Variants in HMCN2 observed in about 807,000 individuals in gnomAD.
HMCN2 encodes the protein hemicentin-2.
A neutral mutation model predicts 377.5 loss-of-function variants in HMCN2; 325 were observed. That is an observed-to-expected ratio of 0.86 (90% CI 0.79 to 0.94). The LOEUF is 0.94. Ranked by LOEUF, HMCN2 falls within the 40% of genes least tolerant of loss-of-function variation. The pLI, the probability that HMCN2 is intolerant of heterozygous loss-of-function variation, is 0.00. For missense variants in HMCN2, 4,543 were observed against 4,725.3 expected (o/e 0.96, Z 1.13); for synonymous variants, 2,007 against 2,046.8 (o/e 0.98, Z 0.53).
chr9:130,268,102 C>G (rs185885336), intron 1 of HMCN2, among the ~76,000 whole-genome samples: 466 of 152,312 alleles, frequency 3.1e-3, no homozygotes, highest in Middle Eastern at 0.014. Context: ...ATATGTGGCT[C>G]CAGTGGCCCA....
chr9:130,296,703 G>T lies in HMCN2; in HGVS notation c.921G>T (p.Arg307Ser). ...KVYSSGRHSV[R>S]ITGVSNIDFR... ...ATAGCAGTGGCCGCCATTCAGTGAG[G>T]ATCACAGGCGTCAGCAACATTGACT... Residue 307 changes from arginine to serine, a missense_variant, in exon 7 of 98, where the codon AGG (arginine) becomes AGT (serine). Around this residue, in one of 5 missense-constraint regions of HMCN2, gnomAD observed 547 missense variants for 189.9 expected, o/e 2.88. Transcript: ENST00000683500. 2.1e-6 allele frequency: 1 copy of T among 471,122 alleles called. No individual in the cohort carries two copies. The highest frequency in any genetic ancestry group is 1.5e-5 in the South Asian group (1 of 64,562). The allele number at this position is 471,122 out of a possible 1,614,324, so 29.2% of individuals were successfully genotyped here.
chr9:130,427,599 G>A lies in HMCN2; in HGVS notation c.14045G>A (p.Trp4682Ter). 6.5e-7 allele frequency: 1 copy of A among 1,550,366 alleles called. No homozygotes were observed. The highest frequency in any genetic ancestry group is 8.7e-7 in the Non-Finnish European group (1 of 1,146,954). The change falls in exon 92 of 98, where the codon TGG (tryptophan) becomes TAG (stop). Residue 4682 changes from tryptophan (W) to a stop codon, truncating the protein, a stop_gained. Transcript: ENST00000683500. LOFTEE classifies it high-confidence loss of function. Reference sequence around the variant, plus strand: ...TGCCCCACTGGCTTCGCCCTGGCCTGGGATGACAGGAACTGCAGAGGTGAG... The same window carrying A: ...TGCCCCACTGGCTTCGCCCTGGCCTAGGATGACAGGAACTGCAGAGGTGAG... ...CTCPTGFALA[W>*]DDRNCRDVDE...
chr9:130,280,647 A>G lies in HMCN2; in HGVS notation c.260-3956A>G, dbSNP rs181347853. 3.0e-3 allele frequency among the ~76,000 whole-genome samples: 456 copies of G among 152,312 alleles called. 2 individuals carry two copies. Among genetic ancestry groups the G allele is most frequent in the Non-Finnish European group, 4.0e-3 (271 of 68,014 alleles). Reference sequence around the variant, plus strand: ...AAAATTTGCTCACACTTACTTGTTCAGTGAAAAGAATCAGGTTAGAAATAG... The same window carrying G: ...AAAATTTGCTCACACTTACTTGTTCGGTGAAAAGAATCAGGTTAGAAATAG... On this transcript the variant is annotated intron_variant, in intron 1 of 97. Coordinates refer to ENST00000683500, the MANE Select transcript of HMCN2 (RefSeq NM_001291815.2).
chr9:130,386,485 G>T lies in HMCN2; in HGVS notation c.9352G>T (p.Ala3118Ser), dbSNP rs1286631968. The T allele has an allele frequency of 1.5e-6, 2 of 1,303,730 alleles. No individual in the cohort carries two copies. Among genetic ancestry groups the T allele is most frequent in the South Asian group, 1.2e-5 (1 of 81,010 alleles). 80.8% of individuals were successfully genotyped at this position (1,303,730 alleles called of 1,614,324 possible). ...ATACAGCTGTAAAGTCAGCAACGTGGCTGGGGAGGCCGTGCGGACCTTCAC... is the reference window on the plus strand; with the variant it reads ...ATACAGCTGTAAAGTCAGCAACGTGTCTGGGGAGGCCGTGCGGACCTTCAC... ...GLYSCKVSNV[A>S]GEAVRTFTLT... Residue 3118 changes from alanine to serine, a missense_variant, in exon 61 of 98, where the codon GCT becomes TCT. Physicochemically the swap from Ala to Ser is moderately conservative, Grantham distance 99. This residue lies in a region of HMCN2 where 736 missense variants were observed against 773.2 expected (regional missense o/e 0.95). Transcript: ENST00000683500.
Position 130,425,852 on chromosome 9 carries a change from T to C in HMCN2, c.13807T>C (p.Ser4603Pro). Residue 4603 changes from serine to proline, a missense_variant, in exon 90 of 98, where the codon TCA becomes CCA. By Grantham distance (74) the Ser-to-Pro change is moderately conservative. This residue lies in a region of HMCN2 where 1,155 missense variants were observed against 1,157.7 expected (regional missense o/e 1.00). Transcript: ENST00000683500. The stretch of plus-strand genomic sequence containing the variant: ...CCAGCTGGTGCAGCACCTGCGGGCC[T>C]CAGCTATCAGCTCGGCCTTTGATCC... ...QPQLVQHLRA[S>P]AISSAFDPEA... 1 of 1,550,440 alleles carries C rather than the reference T, an allele frequency of 6.4e-7. No homozygotes were observed. The highest frequency in any genetic ancestry group is 8.7e-7 in the Non-Finnish European group (1 of 1,146,962).
chr9:130,427,652 C>T lies in HMCN2; in HGVS notation c.14065+33C>T, dbSNP rs575500856. The stretch of plus-strand genomic sequence containing the variant: ...AGCTGCCGGGAGGAGGGAGGAGACG[C>T]GCTCCTCAGACCTGACCCAGGTGTG... On this transcript the variant is annotated intron_variant, in intron 92 of 97. Transcript: ENST00000683500. 8.2e-4 allele frequency: 1,261 copies of T among 1,539,662 alleles called. 1 individual carries two copies. Among genetic ancestry groups the T allele is most frequent in the East Asian group, 1.4e-3 (58 of 40,890 alleles).
intron 1 of HMCN2, among the ~76,000 whole-genome samples, chr9:130,278,835 C>A (rs1554924523): frequency 6.6e-6 from 1 of 151,522 alleles, no homozygotes; most frequent in Non-Finnish European, 1.5e-5. Context: ...CCCGCCTCGG[C>A]TTCCCAAAGT....
chr9:130,354,121 T>C (rs1839892357), intron 31 of HMCN2, among the ~76,000 whole-genome samples: 1 of 152,158 alleles, frequency 6.6e-6, no homozygotes, highest in South Asian at 2.1e-4. Context: ...TTTCAAAGCG[T>C]CTTACACCCA....
At chr9:130,409,018 GCC>G in intron 84 of HMCN2, 85 bp downstream of exon 84, 1 of 928,838 alleles carries the variant, frequency 1.1e-6, no homozygotes, top group Non-Finnish European at 1.5e-6. Flanking sequence ...TCTTCCTATT[GCC>G]CCCTCTGCTT....
At position 130,304,730 on chromosome 9, in the gene HMCN2, A is replaced by AC; in HGVS notation, c.1550dup (p.Pro518AlafsTer52). 6.5e-6 allele frequency: 3 copies of AC among 459,592 alleles called. No homozygotes were observed. The highest frequency in any genetic ancestry group is 9.1e-6 in the Non-Finnish European group (2 of 219,906). The allele number at this position is 459,592 out of a possible 1,614,324, so 28.5% of individuals were successfully genotyped here. ...TCCTCCTGTGCTCATGTCCCTGCAG[A>AC]CCCCCCGCCGCAGCTGGTCCCTGCT... On this transcript the variant is annotated frameshift_variant and splice_region_variant, in exon 11 of 98. Transcript: ENST00000683500. LOFTEE classifies it high-confidence loss of function. This position sits in a 1 kb window ranked among gnomAD's most constrained non-coding sequence, Gnocchi z 4.3.
chr9:130,311,820 CGGA>C (rs1485344721), intron 15 of HMCN2, among the ~76,000 whole-genome samples: 1 of 152,012 alleles, frequency 6.6e-6, no homozygotes. Flanking sequence ...TGGGGAGCTG[CGGA>C]GGAGTTTGGG....
chr9:130,421,237 C>T (rs1329520913), intron 86 of HMCN2, among the ~76,000 whole-genome samples: 1 of 152,152 alleles, frequency 6.6e-6, no homozygotes, highest in African/African-American at 2.4e-5. Context: ...TTTTTATCTT[C>T]GTTCGTGTTG....
intron 42 of HMCN2, 26 bp downstream of exon 42, chr9:130,365,753 G>A (rs952785760): frequency 2.0e-6 from 2 of 982,632 alleles, no homozygotes; most frequent in African/African-American, 3.5e-5. Flanking sequence ...GCTGGGCAGG[G>A]GGAGGGGGCT....
chr9:130,384,176 ACTCTCCCTCT>A (rs998618516), intron 57 of HMCN2, among the ~76,000 whole-genome samples, 187 bp from the exon 58 acceptor site: 1 of 151,926 alleles, frequency 6.6e-6, no homozygotes, highest in African/African-American at 2.4e-5. Flanking sequence ...TGGAACAGTG[ACTCTCCCTCT>A]CTGATCCCCT....
chr9:130,339,110 C>G (rs1838915248), intron 23 of HMCN2, among the ~76,000 whole-genome samples: 1 of 152,154 alleles, frequency 6.6e-6, no homozygotes, highest in Admixed American at 6.5e-5. Flanking sequence ...ATAGCTTGAG[C>G]CCAGGAGGTC....
chr9:130,350,430 G>T (rs71481365), intron 29 of HMCN2, among the ~76,000 whole-genome samples: 3 of 142,766 alleles, frequency 2.1e-5, no homozygotes, highest in African/African-American at 7.7e-5. Context: ...GGTGGCAGGC[G>T]CCTGTAATCC....
chr9:130,311,426 AGGGTCACCAGGT>A (rs1229757704), intron 15 of HMCN2, among the ~76,000 whole-genome samples: 5 of 152,110 alleles, frequency 3.3e-5, no homozygotes, highest in Non-Finnish European at 5.9e-5. Context: ...CCTTCAACAC[AGGGTCACCAGGT>A]GCTCGTGTGC....
In HMCN2 at chr9:130,299,303, C is replaced by T. The variant is rs1554933424; in HGVS notation, c.1276+15C>T. The T allele has an allele frequency of 9.1e-6, 4 of 440,968 alleles. No homozygotes were observed. Among genetic ancestry groups the T allele is most frequent in the Non-Finnish European group, 1.4e-5 (3 of 208,312 alleles). 27.3% of individuals were successfully genotyped at this position (440,968 alleles called of 1,614,324 possible). ...GGTGGCCCCAGGTGAGTGGTTGGCT[C>T]TTTTGTCTCCCAGGCCCCTGGCTCA... is the stretch of plus-strand genomic sequence containing the variant. On this transcript the variant is annotated intron_variant, in intron 8 of 97. Transcript: ENST00000683500.
At chr9:130,326,943 G>C (rs1838165689) in intron 21 of HMCN2, among the ~76,000 whole-genome samples, 1 of 152,266 alleles carries the variant, frequency 6.6e-6, no homozygotes, top group African/African-American at 2.4e-5. Flanking sequence ...AATGAGCAAG[G>C]GGAGAAGGTA....
Sources: allele counts gnomAD v4.1 joint callset (sites outside exome capture counted in the v4.1 genomes callset), GRCh38; gene constraint gnomAD v4.1.1; regional missense constraint gnomAD v4.1.1; non-coding constraint Gnocchi (gnomAD v3.1); transcripts MANE v1.5; gene names NCBI Gene and HGNC (gene_info 2026-07-23, HGNC 2026-07-21).